Variants in LMO3 observed in about 807,000 individuals in gnomAD.
The protein encoded by LMO3 is LIM domain only protein 3.
A neutral mutation model predicts 15.8 loss-of-function variants in LMO3; 2 were observed. The ratio of observed to expected loss-of-function variants is 0.13; its 90% confidence interval spans 0.05 to 0.40. The LOEUF is 0.40. Among genes scored for constraint, LMO3 ranks in the 10% least tolerant of loss-of-function variants. LMO3 has a pLI of 0.99. For synonymous variants in LMO3, 62 were observed against 63.8 expected (o/e 0.97, Z 0.13); for missense variants, 86 against 182.2 (o/e 0.47, Z 3.04).
At position 16,593,898 on chromosome 12, in the gene LMO3, A is replaced by G. The variant is rs927783491; in HGVS notation, c.206+6757T>C. The stretch of plus-strand genomic sequence containing the variant: ...CATGGTTAATCATCAAAACAAGTAT[A>G]TTATCATAGTAAAAACAGAACTAGA... On this transcript the variant is annotated intron_variant, in intron 2 of 3. Coordinates refer to ENST00000537304, the MANE Select transcript of LMO3 (RefSeq NM_018640.5). This position sits in a 1 kb window ranked among gnomAD's most constrained non-coding sequence, Gnocchi z 4.2. Among the ~76,000 whole-genome samples, 1 of 151,790 alleles carries G rather than the reference A, an allele frequency of 6.6e-6. No homozygotes were observed. Among genetic ancestry groups the G allele is most frequent in the Non-Finnish European group, 1.5e-5 (1 of 67,736 alleles).
rs1941972583 is a variant in LMO3, at chr12:16,551,103, C to T, written c.*119G>A. ...TCCGCCTTTTATTCCATATAACCAT[C>T]CTGCCTTCCTATATCTACGCTATTC... On this transcript the variant is annotated 3_prime_UTR_variant, in exon 4 of 4. Coordinates refer to ENST00000537304, the MANE Select transcript of LMO3 (RefSeq NM_018640.5). 1 of 665,234 alleles carries T rather than the reference C, an allele frequency of 1.5e-6. No individual in the cohort carries two copies. Among genetic ancestry groups the T allele is most frequent in the Non-Finnish European group, 2.7e-6 (1 of 372,920 alleles). The allele number at this position is 665,234 out of a possible 1,614,324, so 41.2% of individuals were successfully genotyped here.
At chr12:16,568,370 T>C (rs1942691707) in intron 2 of LMO3, among the ~76,000 whole-genome samples, 1 of 152,186 alleles carries the variant, frequency 6.6e-6, no homozygotes, top group African/African-American at 2.4e-5. Flanking sequence ...ATACCCTCCA[T>C]ACTCTGGATG....
Position 16,594,003 on chromosome 12 carries a change from T to C in LMO3, c.206+6652A>G, listed in dbSNP as rs975321347. ...ATCACAAGGAAATAAATTTAGGCAT[T>C]CTGTAGTTTTATAAAAGTTGTCCTA... is the stretch of plus-strand genomic sequence containing the variant. On this transcript the variant is annotated intron_variant, in intron 2 of 3. Transcript: ENST00000537304. 19 of 705,884 alleles carry C rather than the reference T, an allele frequency of 2.7e-5. 1 individual carries two copies. The highest frequency in any genetic ancestry group is 1.2e-4 in the Admixed American group (4 of 33,608). 43.7% of individuals were successfully genotyped at this position (705,884 alleles called of 1,614,324 possible).
Position 16,549,072 on chromosome 12 carries a change from T to C in LMO3, c.*2150A>G, listed in dbSNP as rs1941891632. On this transcript the variant is annotated 3_prime_UTR_variant, in exon 4 of 4. Coordinates refer to ENST00000537304, the MANE Select transcript of LMO3 (RefSeq NM_018640.5). ...GTTAAACCTTAAAAGATCATCTGAA[T>C]AAGATCCTGACAATTATAATTTTAC... 1 of 152,124 alleles carries C rather than the reference T, an allele frequency of 6.6e-6. No homozygotes were observed. The highest frequency in any genetic ancestry group is 1.5e-5 in the Non-Finnish European group (1 of 68,004). The allele number at this position is 152,124 out of a possible 1,614,324, so 9.4% of individuals were successfully genotyped here. A position where few individuals can be genotyped will look rare whatever the true frequency, so the allele number is the denominator to read the frequency against.
At chr12:16,572,339 CTTTTTTTTTT>C (rs59773866) in intron 2 of LMO3, among the ~76,000 whole-genome samples, 1 of 89,530 alleles carries the variant, frequency 1.1e-5, no homozygotes, top group Admixed American at 1.5e-4. Flanking sequence ...GGTCCAAACT[CTTTTTTTTTT>C]TTTTTTTTTT....
At chr12:16,580,533 T>C (rs1943127509) in intron 2 of LMO3, among the ~76,000 whole-genome samples, 1 of 152,194 alleles carries the variant, frequency 6.6e-6, no homozygotes, top group Non-Finnish European at 1.5e-5. Flanking sequence ...TTTGGAGGAC[T>C]TTTCTGGGGA....
intron 3 of LMO3, among the ~76,000 whole-genome samples, chr12:16,554,116 GA>G (rs1197113741): frequency 4.6e-5 from 7 of 152,142 alleles, no homozygotes; most frequent in Non-Finnish European, 8.8e-5. Flanking sequence ...GTAATTTCTA[GA>G]TATTTTTGAG....
intron 3 of LMO3, among the ~76,000 whole-genome samples, chr12:16,552,033 A>G (rs1201673749): frequency 2.0e-5 from 3 of 152,038 alleles, no homozygotes. Flanking sequence ...GATGTGATAA[A>G]CTAAACTAGT....
intron 2 of LMO3, among the ~76,000 whole-genome samples, chr12:16,588,854 C>G (rs76484517): frequency 3.0e-3 from 459 of 152,140 alleles, no homozygotes; most frequent in African/African-American, 0.011. Flanking sequence ...TCTCCCTTAT[C>G]TTATCTTCAT....
intron 2 of LMO3, among the ~76,000 whole-genome samples, chr12:16,579,824 G>T (rs1161926363): frequency 6.6e-6 from 1 of 152,186 alleles, no homozygotes; most frequent in African/African-American, 2.4e-5. Flanking sequence ...AAATGTAGAA[G>T]TGATAGGATG....
chr12:16,607,085 C>A (rs1944024297), upstream of LMO3: 1 of 152,324 alleles, frequency 6.6e-6, no homozygotes, highest in Non-Finnish European at 1.5e-5. Context: ...CTGTGACTTC[C>A]ATTCATGAAC....
At chr12:16,564,531 AG>A (rs1942522696) in intron 2 of LMO3, among the ~76,000 whole-genome samples, 1 of 152,224 alleles carries the variant, frequency 6.6e-6, no homozygotes, top group East Asian at 1.9e-4. Flanking sequence ...TACAGGCATC[AG>A]GGGAAAATGA....
chr12:16,571,219 G>C (rs566145108), intron 2 of LMO3, among the ~76,000 whole-genome samples: 1 of 152,124 alleles, frequency 6.6e-6, no homozygotes, highest in East Asian at 1.9e-4. Context: ...GATGCAAAAA[G>C]TGTTATCACA....
At chr12:16,608,850 A>T (rs1944077809), upstream of LMO3, 1 of 152,150 alleles carries the variant, frequency 6.6e-6, no homozygotes, top group South Asian at 2.1e-4. The surrounding 1 kb of genome is among the most constrained non-coding windows in gnomAD (Gnocchi z 4.1). Flanking sequence ...TTTCCCCTAA[A>T]ATGTAATGAT....
chr12:16,554,071 C>A (rs930525741), intron 3 of LMO3, among the ~76,000 whole-genome samples: 5 of 152,084 alleles, frequency 3.3e-5, no homozygotes, highest in African/African-American at 1.2e-4. Flanking sequence ...ATTATTAAAC[C>A]ATCTAATTCT....
intron 3 of LMO3, among the ~76,000 whole-genome samples, chr12:16,552,748 G>A (rs956848359): frequency 6.6e-6 from 1 of 151,968 alleles, no homozygotes; most frequent in Non-Finnish European, 1.5e-5. Flanking sequence ...GGTTGTTTGT[G>A]GTCAAAGCTA....
chr12:16,593,996 T>C lies in LMO3; in HGVS notation c.206+6659A>G. On this transcript the variant is annotated intron_variant, in intron 2 of 3. Coordinates refer to ENST00000537304, the MANE Select transcript of LMO3 (RefSeq NM_018640.5). This position sits in a 1 kb window ranked among gnomAD's most constrained non-coding sequence, Gnocchi z 4.2. ...ATTTAAAATCACAAGGAAATAAATT[T>C]AGGCATTCTGTAGTTTTATAAAAGT... is the stretch of plus-strand genomic sequence containing the variant. The C allele has an allele frequency of 1.5e-6, 1 of 672,498 alleles. No homozygotes were observed. Among genetic ancestry groups the C allele is most frequent in the East Asian group, 2.8e-5 (1 of 35,962 alleles). 41.7% of individuals were successfully genotyped at this position (672,498 alleles called of 1,614,324 possible).
chr12:16,595,550 C>T (rs955730165), intron 2 of LMO3, among the ~76,000 whole-genome samples: 2 of 151,218 alleles, frequency 1.3e-5, no homozygotes, highest in Admixed American at 6.6e-5. Context: ...GTAGTATAAA[C>T]GCTAAAATAT....
Position 16,603,136 on chromosome 12 carries a change from C to A in LMO3, c.-8-2268G>T, listed in dbSNP as rs1943880573. ...CAACATTTGGCACAAGTAACACTACCCTACTTGTCTTCACAAAATGTTTTT... is the reference window on the plus strand; with the variant it reads ...CAACATTTGGCACAAGTAACACTACACTACTTGTCTTCACAAAATGTTTTT... On this transcript the variant is annotated intron_variant, in intron 1 of 3. Transcript: ENST00000537304. The surrounding 1 kb of genome is among the most constrained non-coding windows in gnomAD (Gnocchi z 4.9). 6.6e-6 allele frequency among the ~76,000 whole-genome samples: 1 copy of A among 152,150 alleles called. No individual in the cohort carries two copies. The highest frequency in any genetic ancestry group is 1.5e-5 in the Non-Finnish European group (1 of 68,024).
Sources: allele counts gnomAD v4.1 joint callset (sites outside exome capture counted in the v4.1 genomes callset), GRCh38; gene constraint gnomAD v4.1.1; non-coding constraint Gnocchi (gnomAD v3.1); transcripts MANE v1.5; gene names NCBI Gene and HGNC (gene_info 2026-07-23, HGNC 2026-07-21).